Variants in ACTR10 observed in about 807,000 individuals in gnomAD.
ACTR10 encodes the protein actin-related protein 10.
A neutral mutation model predicts 56.2 loss-of-function variants in ACTR10; 43 were observed. The observed-to-expected ratio is 0.77, with a 90% confidence interval of 0.60 to 0.99. ACTR10 has a LOEUF of 0.99. Ranked by LOEUF, ACTR10 falls within the 50% of genes least tolerant of loss-of-function variation. ACTR10 has a pLI of 0.00. For synonymous variants in ACTR10, 170 were observed against 176.3 expected (o/e 0.96, Z 0.28); for missense variants, 466 against 507.8 (o/e 0.92, Z 0.79).
chr14:58,205,264 GA>G (rs1888828624), intron 2 of ACTR10, among the ~76,000 whole-genome samples: 1 of 148,756 alleles, frequency 6.7e-6, no homozygotes, highest in Non-Finnish European at 1.5e-5. Context: ...TGTTATAGCA[GA>G]ATAGACGAGA....
intron 10 of ACTR10, among the ~76,000 whole-genome samples, chr14:58,226,038 C>T (rs566633455): frequency 6.6e-6 from 1 of 151,944 alleles, no homozygotes; most frequent in East Asian, 2.0e-4. Flanking sequence ...AACCCCAGCA[C>T]TTTGGGAGGT....
At position 58,234,628 on chromosome 14, in the gene ACTR10, A is replaced by C; in HGVS notation, c.*77A>C. 1.4e-6 allele frequency: 2 copies of C among 1,384,290 alleles called. No homozygotes were observed. The highest frequency in any genetic ancestry group is 9.9e-7 in the Non-Finnish European group (1 of 1,012,204). 85.8% of individuals were successfully genotyped at this position (1,384,290 alleles called of 1,614,324 possible). A position where few individuals can be genotyped will look rare whatever the true frequency, so the allele number is the denominator to read the frequency against. On this transcript the variant is annotated 3_prime_UTR_variant, in exon 13 of 13. Coordinates refer to ENST00000254286, the MANE Select transcript of ACTR10 (RefSeq NM_018477.3). ...AAGCAAATTGTACAAAGTATGTAGG[A>C]TGTTTTGTTATAGAGGACTATAGTG...
At chr14:58,202,960 C>G (rs750453207) in intron 2 of ACTR10, 33 bp downstream of exon 2, 129 of 1,340,116 alleles carry the variant, frequency 9.6e-5, no homozygotes, top group Non-Finnish European at 1.3e-4. Context: ...AAAATAAATG[C>G]CATACTATAA....
Position 58,235,220 on chromosome 14 carries a change from A to G in ACTR10, c.*669A>G, listed in dbSNP as rs1290739234. The G allele has an allele frequency of 6.6e-6, 1 of 152,226 alleles. No individual in the cohort carries two copies. Among genetic ancestry groups the G allele is most frequent in the Non-Finnish European group, 1.5e-5 (1 of 68,048 alleles). The allele number at this position is 152,226 out of a possible 1,614,324, so 9.4% of individuals were successfully genotyped here. A position where few individuals can be genotyped will look rare whatever the true frequency, so the allele number is the denominator to read the frequency against. Reference sequence around the variant, plus strand: ...CAGCAGTTACTCCATTTAAAGCATAAATAGTGTTAACCATTACCAGTTATT... The same window carrying G: ...CAGCAGTTACTCCATTTAAAGCATAGATAGTGTTAACCATTACCAGTTATT... On this transcript the variant is annotated 3_prime_UTR_variant, in exon 13 of 13. Transcript: ENST00000254286.
intron 7 of ACTR10, among the ~76,000 whole-genome samples, chr14:58,216,791 G>A (rs1889144654): frequency 6.6e-6 from 1 of 152,074 alleles, no homozygotes; most frequent in Admixed American, 6.6e-5. Flanking sequence ...AGAATAAATT[G>A]CTCCTCTCTG....
At chr14:58,229,027 A>G (rs566726741) in intron 10 of ACTR10, among the ~76,000 whole-genome samples, 1 of 152,174 alleles carries the variant, frequency 6.6e-6, no homozygotes, top group African/African-American at 2.4e-5. Context: ...AACATCTTAT[A>G]TAACTATAAT....
intron 8 of ACTR10, among the ~76,000 whole-genome samples, chr14:58,220,341 C>G (rs1270369046): frequency 7.6e-6 from 1 of 131,962 alleles, no homozygotes; most frequent in Non-Finnish European, 1.6e-5. Flanking sequence ...TGGAGATAAT[C>G]TAATACAGTT....
At chr14:58,212,221 G>C (rs1332904733) in intron 5 of ACTR10, among the ~76,000 whole-genome samples, 1 of 152,146 alleles carries the variant, frequency 6.6e-6, no homozygotes, top group African/African-American at 2.4e-5. Flanking sequence ...AAAGTGTTCA[G>C]CATAGGATTT....
intron 8 of ACTR10, among the ~76,000 whole-genome samples, chr14:58,220,798 G>C (rs1205682473): frequency 6.6e-6 from 1 of 152,142 alleles, no homozygotes; most frequent in Non-Finnish European, 1.5e-5. Flanking sequence ...AAGCAATCTG[G>C]CATATTTATG....
intron 2 of ACTR10, among the ~76,000 whole-genome samples, chr14:58,206,766 T>C (rs1888873207): frequency 6.6e-6 from 1 of 152,218 alleles, no homozygotes; most frequent in Admixed American, 6.5e-5. Context: ...TTTGTTGTCA[T>C]TTTTATCACA....
At chr14:58,230,999 C>T (rs187201425) in intron 11 of ACTR10, 85 of 255,596 alleles carry the variant, frequency 3.3e-4, no homozygotes, top group Non-Finnish European at 5.2e-4. Context: ...CCTTGTGATC[C>T]GCCCGCCTCG....
chr14:58,229,816 TTAAA>T (rs1026775860), intron 10 of ACTR10, among the ~76,000 whole-genome samples: 11 of 151,906 alleles, frequency 7.2e-5, no homozygotes, highest in Non-Finnish European at 1.3e-4. Flanking sequence ...GTTGTGTACC[TTAAA>T]TATATATATA....
At chr14:58,228,681 CTTTTTTTTTTTTTTTTTTTTTT>C (rs35498207) in intron 10 of ACTR10, among the ~76,000 whole-genome samples, 754 of 40,792 alleles carry the variant, frequency 0.018, 23 homozygotes, top group Non-Finnish European at 0.031. Context: ...GCAAGACAGA[CTTTTTTTTTTTTTTTTTTTTTT>C]TTTTTTTTTT....
chr14:58,204,133 G>T (rs1409554408), intron 2 of ACTR10, among the ~76,000 whole-genome samples: 1 of 151,798 alleles, frequency 6.6e-6, no homozygotes, highest in African/African-American at 2.4e-5. Flanking sequence ...TGTAATCGCA[G>T]CACTTTGGGA....
intron 1 of ACTR10, 91 bp downstream of exon 1, chr14:58,200,385 C>A: frequency 5.5e-6 from 6 of 1,087,738 alleles, no homozygotes; most frequent in Non-Finnish European, 4.9e-6. Context: ...CGCCGACTCG[C>A]TGGGCAGCTC....
At chr14:58,204,591 G>T (rs980976735) in intron 2 of ACTR10, among the ~76,000 whole-genome samples, 1 of 152,102 alleles carries the variant, frequency 6.6e-6, no homozygotes, top group Non-Finnish European at 1.5e-5. Context: ...GATTGAAAAT[G>T]TTAGCCAGTG....
chr14:58,209,199 CTT>C, intron 4 of ACTR10, 92 bp downstream of exon 4: 6 of 890,508 alleles, frequency 6.7e-6, no homozygotes, highest in Non-Finnish European at 9.9e-6. Context: ...TCTTTCTTCT[CTT>C]TTTTTTTGTT....
intron 5 of ACTR10, 172 bp from the exon 6 acceptor site, chr14:58,213,459 T>C (rs1042567409): frequency 8.6e-6 from 4 of 466,492 alleles, no homozygotes; most frequent in African/African-American, 4.0e-5. Context: ...TTTTCTTTGA[T>C]GAAGAACATG....
chr14:58,235,225 T>G lies in ACTR10; in HGVS notation c.*674T>G, dbSNP rs1889651328. ...GTTACTCCATTTAAAGCATAAATAG[T>G]GTTAACCATTACCAGTTATTTCAAA... On this transcript the variant is annotated 3_prime_UTR_variant, in exon 13 of 13. Coordinates refer to ENST00000254286, the MANE Select transcript of ACTR10 (RefSeq NM_018477.3). 6.6e-6 allele frequency: 1 copy of G among 152,198 alleles called. No homozygotes were observed. Among genetic ancestry groups the G allele is most frequent in the Admixed American group, 6.5e-5 (1 of 15,276 alleles). The allele number at this position is 152,198 out of a possible 1,614,324, so 9.4% of individuals were successfully genotyped here.
Sources: allele counts gnomAD v4.1 joint callset (sites outside exome capture counted in the v4.1 genomes callset), GRCh38; gene constraint gnomAD v4.1.1; transcripts MANE v1.5; gene names NCBI Gene and HGNC (gene_info 2026-07-23, HGNC 2026-07-21).